Variants in CYTH3 observed in about 807,000 individuals in gnomAD.
The protein encoded by CYTH3 is cytohesin-3.
CYTH3 carries 23 observed loss-of-function variants against 55.1 expected under a neutral mutation model. That is an observed-to-expected ratio of 0.42 (90% confidence interval 0.30 to 0.59). CYTH3 has a LOEUF of 0.59. CYTH3 is among the 20% of genes least tolerant of loss of function. The probability of loss-of-function intolerance (pLI) is 0.20; values close to 1 mark genes in which losing one functional copy is unlikely to be tolerated. For synonymous variants in CYTH3, 249 were observed against 194.9 expected (o/e 1.28, Z -2.31); for missense variants, 413 against 524.8 (o/e 0.79, Z 2.08).
At chr7:6,202,087 C>T (rs904678650) in intron 1 of CYTH3, among the ~76,000 whole-genome samples, 2 of 152,204 alleles carry the variant, frequency 1.3e-5, no homozygotes, top group African/African-American at 4.8e-5. Flanking sequence ...TTTCTCTGGA[C>T]TGGCTTTGGG....
chr7:6,194,009 G>A (rs941362243), intron 1 of CYTH3, among the ~76,000 whole-genome samples: 1 of 152,184 alleles, frequency 6.6e-6, no homozygotes, highest in Non-Finnish European at 1.5e-5. Context: ...GATCTGAGGG[G>A]CAGACACCAA....
intron 1 of CYTH3, among the ~76,000 whole-genome samples, chr7:6,213,887 G>C (rs777092115): frequency 6.6e-6 from 1 of 152,118 alleles, no homozygotes; most frequent in Non-Finnish European, 1.5e-5. Context: ...TTGGCTCCAT[G>C]AAGTTTCAGT....
chr7:6,235,074 C>G (rs1447689005), intron 1 of CYTH3, among the ~76,000 whole-genome samples: 3 of 152,212 alleles, frequency 2.0e-5, no homozygotes, highest in Non-Finnish European at 2.9e-5. Context: ...GAGCATCATG[C>G]TCCTTTGCCA....
rs1364288068 is a variant in CYTH3 at position 6,167,068 on chromosome 7, G to A, written c.824-1258C>T. 3.3e-5 allele frequency among the ~76,000 whole-genome samples: 5 copies of A among 152,076 alleles called. No homozygotes were observed. Among genetic ancestry groups the A allele is most frequent in the East Asian group, 3.9e-4 (2 of 5,172 alleles). On this transcript the variant is annotated intron_variant, in intron 9 of 12. Transcript: ENST00000350796. This position sits in a 1 kb window ranked among gnomAD's most constrained non-coding sequence, Gnocchi z 5.5. ...TCCCCGAACCCCTGCAAGCTGCTCC[G>A]TCACTGGAACCCTCTGCCCCAACTG...
At chr7:6,207,228 G>C (rs1298848740) in intron 1 of CYTH3, among the ~76,000 whole-genome samples, 2 of 150,840 alleles carry the variant, frequency 1.3e-5, no homozygotes, top group Non-Finnish European at 2.9e-5. Flanking sequence ...CCGAGTACCT[G>C]GGACTACAGG....
chr7:6,268,159 T>C (rs1583211199), intron 1 of CYTH3, among the ~76,000 whole-genome samples: 1 of 152,056 alleles, frequency 6.6e-6, no homozygotes. Context: ...TCCTACACTT[T>C]GCTCTTGTAA....
At chr7:6,249,819 C>T (rs990942645) in intron 1 of CYTH3, among the ~76,000 whole-genome samples, 2 of 152,200 alleles carry the variant, frequency 1.3e-5, no homozygotes, top group African/African-American at 4.8e-5. Flanking sequence ...TGACCACAGT[C>T]AGGAAGATTA....
At chr7:6,176,516 C>G (rs1226849378) in intron 5 of CYTH3, among the ~76,000 whole-genome samples, 6 of 152,070 alleles carry the variant, frequency 3.9e-5, no homozygotes, top group African/African-American at 1.4e-4. Flanking sequence ...CCACCTCGGC[C>G]TCCCAAAGCG....
At chr7:6,187,748 G>A (rs754179703) in intron 2 of CYTH3, 27 bp from the exon 3 acceptor site, 4 of 1,603,054 alleles carry the variant, frequency 2.5e-6, no homozygotes. Flanking sequence ...ATTTCGAGGT[G>A]GGGAGTGGGT....
intron 1 of CYTH3, among the ~76,000 whole-genome samples, chr7:6,191,076 C>T (rs896239436): frequency 2.0e-5 from 3 of 148,268 alleles, no homozygotes; most frequent in East Asian, 4.0e-4. Context: ...GATTCTGTTT[C>T]GGGAAAAAAA....
chr7:6,260,266 T>C (rs566140034), intron 1 of CYTH3, among the ~76,000 whole-genome samples: 25 of 152,300 alleles, frequency 1.6e-4, no homozygotes, highest in African/African-American at 5.8e-4. Context: ...GCCAATAATT[T>C]CTTAAAACTA....
At chr7:6,244,794 ATTT>A (rs1285780613) in intron 1 of CYTH3, among the ~76,000 whole-genome samples, 1 of 151,228 alleles carries the variant, frequency 6.6e-6, no homozygotes, top group African/African-American at 2.4e-5. Flanking sequence ...CTAGTCTTTT[ATTT>A]TATTTTTTTG....
At chr7:6,233,742 C>T (rs898459662) in intron 1 of CYTH3, among the ~76,000 whole-genome samples, 1 of 152,090 alleles carries the variant, frequency 6.6e-6, no homozygotes, top group Non-Finnish European at 1.5e-5. Context: ...ACCACCAGTC[C>T]CATCTTTCTA....
chr7:6,255,549 G>A (rs1179683750), intron 1 of CYTH3, among the ~76,000 whole-genome samples: 2 of 152,058 alleles, frequency 1.3e-5, no homozygotes, highest in East Asian at 1.9e-4. Context: ...TGAAGAAGCT[G>A]GGCTGAGGAC....
In CYTH3 at chr7:6,170,204, G is replaced by A. The variant is rs571143055; in HGVS notation, c.823+331C>T. On this transcript the variant is annotated intron_variant, in intron 9 of 12. Transcript: ENST00000350796. This position sits in a 1 kb window ranked among gnomAD's most constrained non-coding sequence, Gnocchi z 7.8. Reference sequence around the variant, plus strand: ...AAAAATCACAGCCACACCAAACCGAGAGAGGCACACAGGCTCTGTGGAGAT... The same window carrying A: ...AAAAATCACAGCCACACCAAACCGAAAGAGGCACACAGGCTCTGTGGAGAT... 1.0e-5 allele frequency: 3 copies of A among 295,962 alleles called. No homozygotes were observed. Among genetic ancestry groups the A allele is most frequent in the Non-Finnish European group, 1.9e-5 (3 of 158,758 alleles). The allele number at this position is 295,962 out of a possible 1,614,324, so 18.3% of individuals were successfully genotyped here. A position where few individuals can be genotyped will look rare whatever the true frequency, so the allele number is the denominator to read the frequency against.
intron 5 of CYTH3, among the ~76,000 whole-genome samples, chr7:6,176,512 C>T (rs909052073): frequency 1.3e-5 from 2 of 152,052 alleles, no homozygotes; most frequent in Non-Finnish European, 1.5e-5. Context: ...CTGCCCACCT[C>T]GGCCTCCCAA....
intron 1 of CYTH3, among the ~76,000 whole-genome samples, chr7:6,213,123 G>C (rs1427036207): frequency 6.6e-6 from 1 of 152,170 alleles, no homozygotes; most frequent in Non-Finnish European, 1.5e-5. Flanking sequence ...TCCTTGTCTG[G>C]TTCATTATTA....
At chr7:6,180,094 C>G (rs982685832) in intron 4 of CYTH3, among the ~76,000 whole-genome samples, 2 of 152,136 alleles carry the variant, frequency 1.3e-5, no homozygotes, top group African/African-American at 4.8e-5. Flanking sequence ...CCAGGTGAGG[C>G]CATCAGCTGC....
rs367727754 is a variant in CYTH3 at position 6,171,140 on chromosome 7, C to T, written c.562+62G>A. ...CACGCTGGGCTGTGCCCACAGGGGC[C>T]GCCCCCTCCAGAGCTGGAGGCTGTG... On this transcript the variant is annotated intron_variant, in intron 7 of 12. Transcript: ENST00000350796. This position sits in a 1 kb window ranked among gnomAD's most constrained non-coding sequence, Gnocchi z 6.7. 12 of 1,596,914 alleles carry T rather than the reference C, an allele frequency of 7.5e-6. No homozygotes were observed. Among genetic ancestry groups the T allele is most frequent in the East Asian group, 2.2e-5 (1 of 44,664 alleles).
Sources: gnomAD v4.1 joint callset for allele counts (sites outside exome capture counted in the v4.1 genomes callset) on GRCh38, gnomAD v4.1.1 for gene constraint, Gnocchi (gnomAD v3.1) non-coding constraint, MANE v1.5 for transcripts, NCBI Gene and HGNC (gene_info 2026-07-23, HGNC 2026-07-21) for gene names.